GABRG1: variants seen among roughly 807,000 people sequenced by gnomAD.
GABRG1 encodes the protein gamma-aminobutyric acid receptor subunit gamma-1.
In GABRG1, 49 loss-of-function variants were observed where a neutral mutation model predicts 49.8. That is an observed-to-expected ratio of 0.98 (90% CI 0.78 to 1.25). The LOEUF (loss-of-function observed/expected upper bound fraction) is 1.25, where lower values mean the gene tolerates loss of function less well. Among genes scored for constraint, GABRG1 ranks in the 50% most tolerant of loss-of-function variants. The probability of loss-of-function intolerance (pLI) is 0.00; values close to 1 mark genes in which losing one functional copy is unlikely to be tolerated. For synonymous variants in GABRG1, 232 were observed against 185.1 expected (o/e 1.25, Z -2.06); for missense variants, 552 against 552.3 (o/e 1.00, Z 0.01).
At chr4:46,123,093 TACACACAAACAC>T (rs1721139288) in intron 1 of GABRG1, among the ~76,000 whole-genome samples, 1 of 84,802 alleles carries the variant, frequency 1.2e-5, no homozygotes, top group Admixed American at 1.2e-4. Context: ...CTCTGTCCCA[TACACACAAACAC>T]ACACACACAC....
intron 7 of GABRG1, among the ~76,000 whole-genome samples, chr4:46,056,726 AG>A (rs1433093963): frequency 1.3e-5 from 2 of 152,252 alleles, no homozygotes; most frequent in East Asian, 3.9e-4. Context: ...GATACATTGT[AG>A]AAAAATGCAA....
intron 3 of GABRG1, among the ~76,000 whole-genome samples, chr4:46,076,283 T>C (rs188943470): frequency 6.7e-6 from 1 of 149,012 alleles, no homozygotes; most frequent in East Asian, 2.0e-4. Context: ...AACTAACATA[T>C]GTATCTCTAC....
chr4:46,119,479 T>C (rs1396642484), intron 1 of GABRG1, among the ~76,000 whole-genome samples: 1 of 151,546 alleles, frequency 6.6e-6, no homozygotes, highest in South Asian at 2.1e-4. Flanking sequence ...TTTCCCCTGT[T>C]TTTCCATCTG....
rs531978560 is a variant in GABRG1 at position 46,036,902 on chromosome 4, A to G, written c.*4086T>C. The G allele has an allele frequency of 6.6e-6, 1 of 151,994 alleles. No individual in the cohort carries two copies. Among genetic ancestry groups the G allele is most frequent in the African/African-American group, 2.4e-5 (1 of 41,536 alleles). The allele number at this position is 151,994 out of a possible 1,614,324, so 9.4% of individuals were successfully genotyped here. On this transcript the variant is annotated 3_prime_UTR_variant, in exon 9 of 9. Coordinates refer to ENST00000295452, the MANE Select transcript of GABRG1 (RefSeq NM_173536.4). ...TTCGTACTTCTCAGTTTATTGTTCT[A>G]ACCTAACCTTTCATTGTCTCTATAT...
intron 3 of GABRG1, among the ~76,000 whole-genome samples, chr4:46,075,760 T>C (rs1475844231): frequency 6.6e-6 from 1 of 152,090 alleles, no homozygotes; most frequent in Non-Finnish European, 1.5e-5. Flanking sequence ...AATTGCAGAA[T>C]TCCAGGACAT....
At chr4:46,056,151 T>TAAAAAAAAAAAAAAA (rs1182116080) in intron 7 of GABRG1, among the ~76,000 whole-genome samples, 3 of 9,144 alleles carry the variant, frequency 3.3e-4, no homozygotes, top group African/African-American at 9.7e-4. Context: ...ATAAATAAAT[T>TAAAAAAAAAAAAAAA]AAAAAAAAAA....
At chr4:46,047,200 C>G (rs772210979) in intron 8 of GABRG1, among the ~76,000 whole-genome samples, 5 of 152,014 alleles carry the variant, frequency 3.3e-5, no homozygotes, top group Admixed American at 3.3e-4. Flanking sequence ...TTAACCCAAC[C>G]TATCTATATG....
intron 1 of GABRG1, among the ~76,000 whole-genome samples, chr4:46,116,884 G>A (rs921133729): frequency 6.6e-6 from 1 of 150,654 alleles, no homozygotes; most frequent in East Asian, 1.9e-4. Context: ...GGGCTACTCA[G>A]TGCTAGTAAA....
At chr4:46,053,325 G>A (rs1345775708) in intron 7 of GABRG1, among the ~76,000 whole-genome samples, 1 of 151,736 alleles carries the variant, frequency 6.6e-6, no homozygotes, top group Middle Eastern at 3.2e-3. Context: ...TAGGTGTAGT[G>A]TCCTATAAAT....
At chr4:46,100,940 G>A (rs1720360913) in intron 1 of GABRG1, among the ~76,000 whole-genome samples, 6 of 151,296 alleles carry the variant, frequency 4.0e-5, no homozygotes, top group Admixed American at 4.0e-4. Flanking sequence ...AGCTATCTAA[G>A]TTATGCTCAG....
At chr4:46,079,456 A>G (rs540718408) in intron 3 of GABRG1, among the ~76,000 whole-genome samples, 1 of 152,068 alleles carries the variant, frequency 6.6e-6, no homozygotes. Context: ...TGTGTGATAT[A>G]TCACTTTTGC....
intron 2 of GABRG1, among the ~76,000 whole-genome samples, chr4:46,086,762 A>C (rs1719771687): frequency 6.6e-6 from 1 of 151,512 alleles, no homozygotes; most frequent in Admixed American, 6.6e-5. Context: ...GCAAGCAACC[A>C]CCTAGTGTGA....
intron 2 of GABRG1, among the ~76,000 whole-genome samples, chr4:46,095,228 G>C (rs1474270538): frequency 6.6e-6 from 1 of 151,726 alleles, no homozygotes; most frequent in Non-Finnish European, 1.5e-5. Context: ...AAGTCAGAAA[G>C]TCAGAGAGAA....
At chr4:46,069,720 C>T (rs536212972) in intron 3 of GABRG1, among the ~76,000 whole-genome samples, 2 of 152,004 alleles carry the variant, frequency 1.3e-5, no homozygotes, top group Non-Finnish European at 2.9e-5. Context: ...TTTTAGCAGA[C>T]ATTTTTCAGT....
intron 5 of GABRG1, 30 bp from the exon 6 acceptor site, chr4:46,058,652 G>T: frequency 1.3e-6 from 2 of 1,571,872 alleles, no homozygotes; most frequent in Non-Finnish European, 1.7e-6. Context: ...AGATTAGCAA[G>T]ATCCAAATTT....
intron 1 of GABRG1, among the ~76,000 whole-genome samples, chr4:46,101,421 G>T (rs536089876): frequency 6.6e-6 from 1 of 151,112 alleles, no homozygotes; most frequent in Non-Finnish European, 1.5e-5. Context: ...TTTGGATTGT[G>T]TGTGGCTAGG....
At chr4:46,065,051 G>C (rs1439345260) in intron 4 of GABRG1, among the ~76,000 whole-genome samples, 2 of 151,968 alleles carry the variant, frequency 1.3e-5, no homozygotes, top group Admixed American at 1.3e-4. Flanking sequence ...TAGCAGGGTG[G>C]GTTTCTAGAG....
intron 2 of GABRG1, among the ~76,000 whole-genome samples, chr4:46,093,813 T>C (rs755126346): frequency 2.0e-5 from 3 of 151,976 alleles, no homozygotes; most frequent in Non-Finnish European, 4.4e-5. Context: ...ACAGTTTCAA[T>C]ATGTATAAAG....
intron 3 of GABRG1, among the ~76,000 whole-genome samples, chr4:46,079,535 C>T (rs1719487707): frequency 6.6e-6 from 1 of 151,756 alleles, no homozygotes; most frequent in East Asian, 1.9e-4. Flanking sequence ...ATTAGTTGTT[C>T]CTTGTCCCTC....
Sources: gnomAD v4.1 joint callset for allele counts (sites outside exome capture counted in the v4.1 genomes callset) on GRCh38, gnomAD v4.1.1 for gene constraint, MANE v1.5 for transcripts, NCBI Gene and HGNC (gene_info 2026-07-23, HGNC 2026-07-21) for gene names.